The following EYS variants were observed in gnomAD, a reference collection of about 807,000 sequenced individuals.
EYS encodes protein eyes shut homolog.
EYS carries 250 observed loss-of-function variants against 282.1 expected under a neutral mutation model. The ratio of observed to expected loss-of-function variants is 0.89; its 90% CI spans 0.80 to 0.98. The LOEUF (loss-of-function observed/expected upper bound fraction) is 0.98, where lower values mean the gene tolerates loss of function less well. EYS is among the 50% of genes least tolerant of loss of function. The pLI, the probability that EYS is intolerant of heterozygous loss-of-function variation, is 0.00. For missense variants in EYS, 4,016 were observed against 3,709.0 expected (o/e 1.08, Z -2.15); for synonymous variants, 1,355 against 1,282.9 (o/e 1.06, Z -1.20).
At chr6:64,420,230 T>C (rs991095766) in intron 28 of EYS, among the ~76,000 whole-genome samples, 1 of 151,174 alleles carries the variant, frequency 6.6e-6, no homozygotes, top group Admixed American at 6.6e-5. Context: ...CCATGTGACT[T>C]TGAGCCACCG....
At chr6:65,214,854 T>C (rs1178947608) in intron 12 of EYS, among the ~76,000 whole-genome samples, 1 of 152,148 alleles carries the variant, frequency 6.6e-6, no homozygotes, top group Non-Finnish European at 1.5e-5. Context: ...TGAAGAAATA[T>C]GTTATTTCTA....
Position 64,131,591 on chromosome 6 carries a change from T to C in EYS, c.6425-49589A>G, listed in dbSNP as rs1384384675. 2.0e-5 allele frequency among the ~76,000 whole-genome samples: 3 copies of C among 152,068 alleles called. No homozygotes were observed. The East Asian group carries it at 5.8e-4, about 29-fold the overall frequency. On this transcript the variant is annotated intron_variant, in intron 31 of 42. Coordinates refer to ENST00000503581, the MANE Select transcript of EYS (RefSeq NM_001142800.2). ...GTGTGTGTTTATAAAAGCAGGAATATGAGTACCTTAGGAACTGTGAAAATA... is the reference window on the plus strand; with the variant it reads ...GTGTGTGTTTATAAAAGCAGGAATACGAGTACCTTAGGAACTGTGAAAATA...
intron 2 of EYS, among the ~76,000 whole-genome samples, chr6:65,639,504 C>A (rs189551675): frequency 4.6e-5 from 7 of 152,056 alleles, no homozygotes; most frequent in Admixed American, 2.0e-4. Context: ...ATAATGTTAT[C>A]ACAAAGTAAC....
At chr6:64,143,481 T>A (rs1398505894) in intron 31 of EYS, among the ~76,000 whole-genome samples, 1 of 152,144 alleles carries the variant, frequency 6.6e-6, no homozygotes, top group Non-Finnish European at 1.5e-5. Context: ...CATTCAATTT[T>A]TCTGTAACCT....
At chr6:63,739,301 T>TGAGGGAGAAAACAGCAA (rs1769013777) in intron 41 of EYS, among the ~76,000 whole-genome samples, 1 of 152,048 alleles carries the variant, frequency 6.6e-6, no homozygotes. Flanking sequence ...GCAACATGTG[T>TGAGGGAGAAAACAGCAA]GAGGGAGAAA....
chr6:64,098,449 A>G (rs1772709509), intron 31 of EYS, among the ~76,000 whole-genome samples: 1 of 152,294 alleles, frequency 6.6e-6, no homozygotes, highest in East Asian at 1.9e-4. Flanking sequence ...ATTTTTAGAA[A>G]AAATAAAATA....
At chr6:64,613,314 C>T (rs764980472) in intron 24 of EYS, among the ~76,000 whole-genome samples, 15 of 151,614 alleles carry the variant, frequency 9.9e-5, no homozygotes, top group African/African-American at 1.5e-4. Flanking sequence ...TTTTAAAAGA[C>T]ACATTGAATT....
At chr6:64,987,428 C>T (rs1770897856) in intron 14 of EYS, among the ~76,000 whole-genome samples, 1 of 151,522 alleles carries the variant, frequency 6.6e-6, no homozygotes, top group South Asian at 2.1e-4. Context: ...AATCAGAATC[C>T]CCAAAGCGGG....
intron 12 of EYS, among the ~76,000 whole-genome samples, chr6:65,116,681 A>G (rs1282090132): frequency 6.6e-6 from 1 of 152,148 alleles, no homozygotes; most frequent in African/African-American, 2.4e-5. Context: ...TTAAATAACA[A>G]TTCTATGAAA....
intron 22 of EYS, among the ~76,000 whole-genome samples, chr6:64,650,245 A>G (rs1768509799): frequency 6.6e-6 from 1 of 152,064 alleles, no homozygotes; most frequent in African/African-American, 2.4e-5. Flanking sequence ...AATATTAAAA[A>G]TTAAGTAAAC....
chr6:65,225,002 T>C (rs535671), intron 12 of EYS, among the ~76,000 whole-genome samples: 3,269 of 152,118 alleles, frequency 0.021, 108 homozygotes, highest in African/African-American at 0.075. Context: ...GTTTTTCAGA[T>C]AATATCAGAA....
intron 12 of EYS, among the ~76,000 whole-genome samples, chr6:65,281,974 T>C (rs1768234441): frequency 6.6e-6 from 1 of 152,076 alleles, no homozygotes; most frequent in Non-Finnish European, 1.5e-5. Flanking sequence ...ATTCCATATA[T>C]TTGCTATTGT....
At chr6:64,427,921 C>G (rs1377127833) in intron 28 of EYS, among the ~76,000 whole-genome samples, 1 of 152,048 alleles carries the variant, frequency 6.6e-6, no homozygotes, top group East Asian at 1.9e-4. Flanking sequence ...AAATGTTTCT[C>G]AAAAGTGAGT....
chr6:64,709,292 G>A (rs1771131183), intron 22 of EYS, among the ~76,000 whole-genome samples: 1 of 152,068 alleles, frequency 6.6e-6, no homozygotes, highest in African/African-American at 2.4e-5. Flanking sequence ...TCATCACAAT[G>A]TTGTCAGTAA....
intron 36 of EYS, among the ~76,000 whole-genome samples, chr6:63,841,566 T>G (rs1317238790): frequency 6.6e-6 from 1 of 152,210 alleles, no homozygotes; most frequent in Admixed American, 6.5e-5. Context: ...ACTCTTACTA[T>G]TTTGTAATGA....
chr6:64,684,509 G>A (rs1406247903), intron 22 of EYS, among the ~76,000 whole-genome samples: 2 of 151,654 alleles, frequency 1.3e-5, no homozygotes, highest in African/African-American at 4.8e-5. Flanking sequence ...CAAATTTGTA[G>A]GTAAAGTCTT....
intron 29 of EYS, among the ~76,000 whole-genome samples, chr6:64,342,892 C>T (rs976055954): frequency 1.2e-4 from 18 of 152,156 alleles, no homozygotes; most frequent in South Asian, 6.2e-4. Context: ...CAAAAAAAGG[C>T]AGGGGTTGCA....
At chr6:65,366,624 T>G (rs1355247669) in intron 8 of EYS, among the ~76,000 whole-genome samples, 1 of 151,714 alleles carries the variant, frequency 6.6e-6, no homozygotes, top group African/African-American at 2.4e-5. Flanking sequence ...TAAAATTTCT[T>G]GAAGCCTTTG....
At chr6:64,081,035 T>C (rs1771947889) in intron 32 of EYS, among the ~76,000 whole-genome samples, 2 of 152,024 alleles carry the variant, frequency 1.3e-5, no homozygotes, top group Non-Finnish European at 2.9e-5. Flanking sequence ...GACTTGACAA[T>C]GTGGGCTCTT....
Sources: allele counts gnomAD v4.1 joint callset (sites outside exome capture counted in the v4.1 genomes callset), GRCh38; gene constraint gnomAD v4.1.1; transcripts MANE v1.5; gene names NCBI Gene and HGNC (gene_info 2026-07-23, HGNC 2026-07-21).